Variants in COL4A6 observed in about 807,000 individuals in gnomAD.
The protein encoded by COL4A6 is collagen alpha-6(IV) chain.
In COL4A6, 59 loss-of-function variants were observed where a neutral mutation model predicts 126.7. That is an observed-to-expected ratio of 0.47 (90% CI 0.38 to 0.58). COL4A6 has a LOEUF of 0.58. COL4A6 is among the 20% of genes least tolerant of loss of function. The probability of loss-of-function intolerance (pLI) is 0.00; values close to 1 mark genes in which losing one functional copy is unlikely to be tolerated. For synonymous variants in COL4A6, 547 were observed against 496.6 expected, an observed-to-expected ratio of 1.10 and a Z score of -1.35; for missense variants, 1,285 against 1,337.3, an observed-to-expected ratio of 0.96 and a Z score of 0.61.
chrX:108,314,982 T>G (rs888062439), intron 2 of COL4A6, among the ~76,000 whole-genome samples: 2 of 112,170 alleles, frequency 1.8e-5, no homozygotes, highest in Admixed American at 9.5e-5. Context: ...CCTTATCAAG[T>G]GCTGTGCACT....
At chrX:108,317,380 G>A (rs780380810) in intron 2 of COL4A6, among the ~76,000 whole-genome samples, 36 of 112,057 alleles carry the variant, frequency 3.2e-4, no homozygotes, top group African/African-American at 1.1e-3. Flanking sequence ...TGGAGGAGTT[G>A]AGGAGCTGGC....
intron 2 of COL4A6, among the ~76,000 whole-genome samples, chrX:108,324,848 C>T (rs1049035436): frequency 9.0e-6 from 1 of 111,484 alleles, no homozygotes; most frequent in South Asian, 3.7e-4. Context: ...GGGGAAAAAT[C>T]AGAAGGAAAA....
chrX:108,346,887 T>C (rs2039721299), intron 2 of COL4A6, among the ~76,000 whole-genome samples: 1 of 112,108 alleles, frequency 8.9e-6, no homozygotes, highest in Admixed American at 9.5e-5. Flanking sequence ...GGTCAAGATA[T>C]AAATGTTTGC....
intron 3 of COL4A6, among the ~76,000 whole-genome samples, chrX:108,281,640 A>G (rs2037832168): frequency 9.0e-6 from 1 of 111,421 alleles, no homozygotes; most frequent in Non-Finnish European, 1.9e-5. Flanking sequence ...AATTGGAAAA[A>G]ACTACTTTAA....
intron 2 of COL4A6, among the ~76,000 whole-genome samples, chrX:108,338,238 G>A (rs960453108): frequency 1.8e-5 from 2 of 111,787 alleles, no homozygotes; most frequent in African/African-American, 3.2e-5. Context: ...GGATGTCTTG[G>A]ACACATGGTT....
chrX:108,378,802 T>C (rs1289659232), intron 2 of COL4A6, among the ~76,000 whole-genome samples: 1 of 113,433 alleles, frequency 8.8e-6, no homozygotes, highest in Non-Finnish European at 1.9e-5. Context: ...TGCTACCTAT[T>C]TTTGTAAATA....
chrX:108,306,298 C>T (rs1345641600), intron 3 of COL4A6, among the ~76,000 whole-genome samples: 4 of 111,802 alleles, frequency 3.6e-5, no homozygotes, highest in Non-Finnish European at 7.5e-5. Flanking sequence ...AGTGAGAGGG[C>T]AAATATTTGT....
chrX:108,224,305 A>C (rs1602858677), intron 3 of COL4A6, among the ~76,000 whole-genome samples: 1 of 112,048 alleles, frequency 8.9e-6, no homozygotes, highest in Non-Finnish European at 1.9e-5. Context: ...AGCTGAAAGG[A>C]ACTCTCCTAA....
At chrX:108,336,037 C>A (rs774278213) in intron 2 of COL4A6, among the ~76,000 whole-genome samples, 1 of 111,376 alleles carries the variant, frequency 9.0e-6, no homozygotes, top group Non-Finnish European at 1.9e-5. Flanking sequence ...AGTTGAAAGC[C>A]CTTGTTTTTA....
chrX:108,281,592 T>C (rs1421191891), intron 3 of COL4A6, among the ~76,000 whole-genome samples: 2 of 111,697 alleles, frequency 1.8e-5, no homozygotes, highest in African/African-American at 6.5e-5. Context: ...ATAGATTCAA[T>C]GCCATCCCCA....
chrX:108,378,518 T>C (rs757804652), intron 2 of COL4A6, among the ~76,000 whole-genome samples: 3 of 112,333 alleles, frequency 2.7e-5, no homozygotes, highest in East Asian at 5.6e-4. Flanking sequence ...GCTGGCCAGA[T>C]GTTTGCCAGA....
chrX:108,165,136 G>T, intron 38 of COL4A6, 98 bp from the exon 39 acceptor site: 2 of 937,207 alleles, frequency 2.1e-6, no homozygotes, highest in Non-Finnish European at 3.0e-6. Flanking sequence ...CCCATTCCCA[G>T]GACAGAGAAT....
intron 2 of COL4A6, among the ~76,000 whole-genome samples, chrX:108,434,555 A>G (rs937018004): frequency 9.0e-6 from 1 of 110,996 alleles, no homozygotes; most frequent in African/African-American, 3.3e-5. Flanking sequence ...GTATAATAAA[A>G]CAATTTTTGA....
In COL4A6 at chrX:108,170,608, C is replaced by T; in HGVS notation, c.3493+1G>A. On this transcript the variant is annotated splice_donor_variant, in intron 35 of 44. Transcript: ENST00000334504. LOFTEE classifies it high-confidence loss of function. The stretch of plus-strand genomic sequence containing the variant: ...CACTGCCTGCTCCCAAATACACATA[C>T]CTTTGGGTCCTATTAATCCGGGGGA... 1 of 1,192,705 alleles carries T rather than the reference C, an allele frequency of 8.4e-7. No individual in the cohort carries two copies. Among genetic ancestry groups the T allele is most frequent in the Non-Finnish European group, 1.1e-6 (1 of 882,731 alleles).
intron 2 of COL4A6, among the ~76,000 whole-genome samples, chrX:108,374,047 A>T (rs1389499881): frequency 8.9e-6 from 1 of 112,645 alleles, no homozygotes. Context: ...CAAAGTATAC[A>T]CTGGTTAATT....
rs965452058 is a variant in COL4A6, at chrX:108,351,442, CTGTG to C, written c.64-40618_64-40615del. On this transcript the variant is annotated intron_variant, in intron 2 of 44. Coordinates refer to ENST00000334504, the MANE Select transcript of COL4A6 (RefSeq NM_033641.4). ...TAAAAAAGGAGGTAACTCTCTCTCT[CTGTG>C]TGTGTGTGTGTGTGTGTGTGTGTGT... Among the ~76,000 whole-genome samples, 209 of 94,339 alleles carry C rather than the reference CTGTG, an allele frequency of 2.2e-3. No homozygotes were observed. The Middle Eastern group carries it at 0.026, about 12-fold the overall frequency. The allele number at this position is 94,339 out of a possible 115,157, so 81.9% of individuals were successfully genotyped here. A position where few individuals can be genotyped will look rare whatever the true frequency, so the allele number is the denominator to read the frequency against.
At chrX:108,348,637 T>C (rs987767953) in intron 2 of COL4A6, among the ~76,000 whole-genome samples, 8 of 111,743 alleles carry the variant, frequency 7.2e-5, no homozygotes, top group Non-Finnish European at 1.5e-4. Context: ...ATTTCAAAGA[T>C]ATCAATTGAG....
intron 2 of COL4A6, among the ~76,000 whole-genome samples, chrX:108,315,484 C>T (rs987060664): frequency 3.6e-5 from 4 of 111,740 alleles, no homozygotes; most frequent in Non-Finnish European, 7.5e-5. Flanking sequence ...AAGTGATCCT[C>T]CCACATCGGC....
At chrX:108,343,173 T>TA (rs1569434562) in intron 2 of COL4A6, among the ~76,000 whole-genome samples, 39 of 94,276 alleles carry the variant, frequency 4.1e-4, no homozygotes, top group African/African-American at 1.5e-3. Context: ...ATAGTGTGTG[T>TA]GTGTGTGTGT....
Sources: gnomAD v4.1 joint callset for allele counts (sites outside exome capture counted in the v4.1 genomes callset) on GRCh38, gnomAD v4.1.1 for gene constraint, MANE v1.5 for transcripts, NCBI Gene and HGNC (gene_info 2026-07-23, HGNC 2026-07-21) for gene names.